The following GEN1 variants were observed in gnomAD, a reference collection of about 807,000 sequenced individuals.
GEN1 encodes GEN1 structure-specific endonuclease.
Under a neutral mutation model 67.6 loss-of-function variants are expected in GEN1, and 64 were observed. The ratio of observed to expected loss-of-function variants is 0.95; its 90% CI spans 0.77 to 1.17. GEN1 has a LOEUF of 1.17. GEN1 is among the 50% of genes most tolerant of loss of function. The pLI, the probability that GEN1 is intolerant of heterozygous loss-of-function variation, is 0.00. For synonymous variants in GEN1, 371 were observed against 359.4 expected (o/e 1.03, Z -0.37); for missense variants, 1,058 against 1,048.3 (o/e 1.01, Z -0.13).
In GEN1 at chr2:17,784,152, A is replaced by G. The variant is rs918426617; in HGVS notation, c.*2213A>G. The G allele has an allele frequency of 6.6e-6, 1 of 152,250 alleles. No homozygotes were observed. The highest frequency in any genetic ancestry group is 2.4e-5 in the African/African-American group (1 of 41,456). The allele number at this position is 152,250 out of a possible 1,614,324, so 9.4% of individuals were successfully genotyped here. A position where few individuals can be genotyped will look rare whatever the true frequency, so the allele number is the denominator to read the frequency against. On this transcript the variant is annotated 3_prime_UTR_variant, in exon 14 of 14. Transcript: ENST00000381254. ...GAACTCGTAACTCAATTATAAAAAGACAACTTTGAAATGGGCAAAATAGCT... is the reference window on the plus strand; with the variant it reads ...GAACTCGTAACTCAATTATAAAAAGGCAACTTTGAAATGGGCAAAATAGCT...
At chr2:17,763,907 A>C (rs1328586406) in intron 3 of GEN1, among the ~76,000 whole-genome samples, 3 of 152,232 alleles carry the variant, frequency 2.0e-5, no homozygotes, top group African/African-American at 7.2e-5. Flanking sequence ...CGTGGAAGTG[A>C]TTAATCAAAG....
chr2:17,770,130 TA>T (rs1390968434), intron 6 of GEN1, among the ~76,000 whole-genome samples: 3 of 152,130 alleles, frequency 2.0e-5, no homozygotes, highest in Admixed American at 1.3e-4. Flanking sequence ...TTGGGAATTG[TA>T]AAAAATAATA....
chr2:17,780,890 A>G lies in GEN1; in HGVS notation c.1678A>G (p.Ser560Gly), dbSNP rs1160761562. The G allele has an allele frequency of 1.2e-6, 2 of 1,613,868 alleles. No individual in the cohort carries two copies. Among genetic ancestry groups the G allele is most frequent in the Admixed American group, 3.3e-5 (2 of 60,032 alleles). Residue 560 changes from serine to glycine, a missense_variant, in exon 14 of 14, where the codon AGT becomes GGT. Transcript: ENST00000381254. ...GGCTATACAGCAAATTAAAGCTGTC[A>G]GTAAGTCTCTAATTTCAGAATCTAG... ...PLAIQQIKAV[S>G]KSLISESSQP...
Position 17,788,644 on chromosome 2 carries a change from A to G in GEN1, c.*6705A>G, listed in dbSNP as rs1673129628. 1 of 152,250 alleles carries G rather than the reference A, an allele frequency of 6.6e-6. No homozygotes were observed. Among genetic ancestry groups the G allele is most frequent in the Non-Finnish European group, 1.5e-5 (1 of 68,038 alleles). The allele number at this position is 152,250 out of a possible 1,614,324, so 9.4% of individuals were successfully genotyped here. On this transcript the variant is annotated 3_prime_UTR_variant, in exon 14 of 14. Transcript: ENST00000381254. ...TGGTAAAAACTGCTTGTATATTTAG[A>G]ATTCTCTGATCAAAGACCTAATGAA...
chr2:17,771,181 C>G lies in GEN1; in HGVS notation c.711-15C>G, dbSNP rs1672172444. 1 of 1,554,810 alleles carries G rather than the reference C, an allele frequency of 6.4e-7. No homozygotes were observed. Among genetic ancestry groups the G allele is most frequent in the Non-Finnish European group, 8.9e-7 (1 of 1,126,902 alleles). ...CATTTTTTTTCCTTTTTTTAAAAAC[C>G]ACTTTCTATTAAAGGTTTAATCGGT... On this transcript the variant is annotated splice_polypyrimidine_tract_variant and intron_variant, in intron 6 of 13. Coordinates refer to ENST00000381254, the MANE Select transcript of GEN1 (RefSeq NM_001130009.3).
intron 1 of GEN1, 195 bp downstream of exon 1, chr2:17,754,540 C>G (rs1022211927): frequency 6.6e-6 from 1 of 152,236 alleles, no homozygotes; most frequent in South Asian, 2.1e-4. Flanking sequence ...CTCGCGAGGG[C>G]CCTGCGTCAC....
chr2:17,784,936 C>G lies in GEN1; in HGVS notation c.*2997C>G, dbSNP rs960151849. On this transcript the variant is annotated 3_prime_UTR_variant, in exon 14 of 14. Transcript: ENST00000381254. ...GGACAGGTACCAGTCCATCACCTGT[C>G]AGGAACCGGCCTGCACAGCAGGTGT... 6.6e-6 allele frequency: 1 copy of G among 152,206 alleles called. No individual in the cohort carries two copies. Among genetic ancestry groups the G allele is most frequent in the Non-Finnish European group, 1.5e-5 (1 of 68,048 alleles). The allele number at this position is 152,206 out of a possible 1,614,324, so 9.4% of individuals were successfully genotyped here. A position where few individuals can be genotyped will look rare whatever the true frequency, so the allele number is the denominator to read the frequency against.
intron 11 of GEN1, among the ~76,000 whole-genome samples, chr2:17,775,904 T>G (rs939699096): frequency 1.3e-5 from 2 of 151,950 alleles, no homozygotes; most frequent in African/African-American, 4.8e-5. Flanking sequence ...TTTGGGAGAC[T>G]GAGGCCGGTG....
intron 12 of GEN1, among the ~76,000 whole-genome samples, chr2:17,778,763 G>A (rs1342787200): frequency 6.7e-6 from 1 of 148,878 alleles, no homozygotes; most frequent in Non-Finnish European, 1.5e-5. Flanking sequence ...TACTCCTGGG[G>A]TACACTTCCT....
chr2:17,753,837 T>C (rs1256994227), upstream of GEN1: 3 of 151,692 alleles, frequency 2.0e-5, no homozygotes, highest in Admixed American at 1.3e-4. Flanking sequence ...CTCCCTCCCT[T>C]CGGGCTCCGC....
In GEN1 at chr2:17,765,243, T is replaced by C. The variant is rs568543871; in HGVS notation, c.525+170T>C. ...AATCATTGCCACATAGTTCATTCTC[T>C]TCAAAATGTGGATTTATCTCATAAG... On this transcript the variant is annotated intron_variant, in intron 4 of 13. Transcript: ENST00000381254. 82 of 580,228 alleles carry C rather than the reference T, an allele frequency of 1.4e-4. No individual in the cohort carries two copies. The African/African-American group carries it at 1.5e-3, about 11-fold the overall frequency. The allele number at this position is 580,228 out of a possible 1,614,324, so 35.9% of individuals were successfully genotyped here. A position where few individuals can be genotyped will look rare whatever the true frequency, so the allele number is the denominator to read the frequency against.
chr2:17,778,033 C>A lies in GEN1; in HGVS notation c.1234C>A (p.His412Asn). ...IVKTRIRNGV[H>N]CFEIEWEKPE... ...TAAGACTCGAATCAGAAATGGAGTT[C>A]ATTGTTTTGAAATAGAATGGGAAAA... The change falls in exon 12 of 14, where the codon CAT (histidine) becomes AAT (asparagine). Residue 412 changes from histidine (H) to asparagine (N), a missense_variant. His to Asn is a moderately conservative substitution (Grantham distance 68). Coordinates refer to ENST00000381254, the MANE Select transcript of GEN1 (RefSeq NM_001130009.3). 1.3e-6 allele frequency: 2 copies of A among 1,596,152 alleles called. No individual in the cohort carries two copies. The highest frequency in any genetic ancestry group is 2.2e-5 in the South Asian group (2 of 90,344).
chr2:17,785,069 G>A lies in GEN1; in HGVS notation c.*3130G>A, dbSNP rs963938016. The stretch of plus-strand genomic sequence containing the variant: ...GAACCCTATTGTGAACTACGCATGC[G>A]AGGATCTAGTTTGTGCACTCCTACT... On this transcript the variant is annotated 3_prime_UTR_variant, in exon 14 of 14. Coordinates refer to ENST00000381254, the MANE Select transcript of GEN1 (RefSeq NM_001130009.3). 5 of 152,156 alleles carry A rather than the reference G, an allele frequency of 3.3e-5. No homozygotes were observed. The highest frequency in any genetic ancestry group is 5.9e-5 in the Non-Finnish European group (4 of 68,034). 9.4% of individuals were successfully genotyped at this position (152,156 alleles called of 1,614,324 possible). A position where few individuals can be genotyped will look rare whatever the true frequency, so the allele number is the denominator to read the frequency against.
At chr2:17,768,665 C>A in intron 5 of GEN1, 73 bp from the exon 6 acceptor site, 2 of 1,091,418 alleles carry the variant, frequency 1.8e-6, no homozygotes, top group South Asian at 1.4e-5. Flanking sequence ...CTGACTCTTC[C>A]GTTCAATTAA....
At position 17,781,430 on chromosome 2, in the gene GEN1, G is replaced by A. The variant is rs1335562971; in HGVS notation, c.2218G>A (p.Gly740Arg). The A allele has an allele frequency of 6.2e-7, 1 of 1,613,468 alleles. No individual in the cohort carries two copies. The highest frequency in any genetic ancestry group is 8.5e-7 in the Non-Finnish European group (1 of 1,179,832). Reference sequence around the variant, plus strand: ...ATCCAGAGACTCTAAAATTCTAAAAGGAGACCAGCTGCTTCAAGAAGACTA... The same window carrying A: ...ATCCAGAGACTCTAAAATTCTAAAAAGAGACCAGCTGCTTCAAGAAGACTA... The part of the protein sequence containing the change: ...NESRDSKILK[G>R]DQLLQEDYKV... Residue 740 changes from glycine to arginine, a missense_variant, in exon 14 of 14, where the codon GGA becomes AGA. Coordinates refer to ENST00000381254, the MANE Select transcript of GEN1 (RefSeq NM_001130009.3).
intron 8 of GEN1, 27 bp from the exon 9 acceptor site, chr2:17,773,069 A>C (rs373320840): frequency 6.9e-7 from 1 of 1,453,762 alleles, no homozygotes; most frequent in Non-Finnish European, 9.6e-7. Context: ...GATTATAGTA[A>C]TAACATGTAT....
At chr2:17,770,897 G>GAT (rs1027977395) in intron 6 of GEN1, among the ~76,000 whole-genome samples, 88 of 150,792 alleles carry the variant, frequency 5.8e-4, no homozygotes, top group African/African-American at 1.6e-3. Context: ...AGACTGATTG[G>GAT]ATATATATAT....
chr2:17,776,531 A>G (rs150293354), intron 11 of GEN1, among the ~76,000 whole-genome samples: 2,491 of 152,344 alleles, frequency 0.016, 34 homozygotes, highest in Middle Eastern at 0.054. Context: ...TAAAATGTTA[A>G]CAATTGATGA....
Position 17,768,988 on chromosome 2 carries a change from G to A in GEN1, c.710+177G>A, listed in dbSNP as rs73218898. On this transcript the variant is annotated intron_variant, in intron 6 of 13. Coordinates refer to ENST00000381254, the MANE Select transcript of GEN1 (RefSeq NM_001130009.3). ...TTTATTTTGAAATTTTCCAAAGGAA[G>A]GATGAGAATACATGTTCCAAGCCGT... Among the ~76,000 whole-genome samples the A allele has an allele frequency of 8.3e-3, 1,259 of 152,094 alleles. 16 individuals are homozygous for A. The highest frequency in any genetic ancestry group is 0.028 in the African/African-American group (1,150 of 41,522).
Sources: allele counts gnomAD v4.1 joint callset (sites outside exome capture counted in the v4.1 genomes callset), GRCh38; gene constraint gnomAD v4.1.1; transcripts MANE v1.5; gene names NCBI Gene and HGNC (gene_info 2026-07-23, HGNC 2026-07-21).